The following NSUN7 variants were observed in gnomAD, a reference collection of about 807,000 sequenced individuals.
NSUN7 encodes NOP2/Sun RNA methyltransferase family member 7.
NSUN7 carries 39 observed loss-of-function variants against 58.5 expected under a neutral mutation model. That is an observed-to-expected ratio of 0.67 (90% CI 0.52 to 0.87). The LOEUF (loss-of-function observed/expected upper bound fraction) is 0.87, where lower values mean the gene tolerates loss of function less well. Ranked by LOEUF, NSUN7 falls within the 40% of genes least tolerant of loss-of-function variation. NSUN7 has a pLI of 0.00. For synonymous variants in NSUN7, 278 were observed against 303.7 expected (o/e 0.92, Z 0.88); for missense variants, 765 against 844.1 (o/e 0.91, Z 1.16).
rs761875736 is a variant in NSUN7, at chr4:40,774,805, A to T, written c.680A>T (p.Tyr227Phe). ...TATAATAATTTGAAGAGAAGAGGCT[A>T]TAATAAAGTCAAATCTGTATTGCAT... ...EVYNNLKRRG[Y>F]NKVKSVLHID... The change falls in exon 6 of 12, where the codon TAT becomes TTT. Residue 227 changes from tyrosine to phenylalanine, a missense_variant. By Grantham distance (22) the Tyr-to-Phe change is conservative (BLOSUM62 3). Transcript: ENST00000381782. 2.5e-5 allele frequency: 39 copies of T among 1,556,382 alleles called. No individual in the cohort carries two copies. The East Asian group carries it at 8.6e-4, about 34-fold the overall frequency.
intron 2 of NSUN7, among the ~76,000 whole-genome samples, chr4:40,757,579 A>ATATATATACACATTGTGTG (rs1233037041): frequency 6.8e-6 from 1 of 146,328 alleles, no homozygotes; most frequent in East Asian, 2.0e-4. Flanking sequence ...TAAATTGCAT[A>ATATATATACACATTGTGTG]TATATATACA....
At chr4:40,768,708 AT>A (rs947775687) in intron 4 of NSUN7, among the ~76,000 whole-genome samples, 1 of 151,858 alleles carries the variant, frequency 6.6e-6, no homozygotes, top group African/African-American at 2.4e-5. Context: ...ACCTATTATC[AT>A]TTTTTTTACA....
At chr4:40,765,432 T>C (rs879431217) in intron 4 of NSUN7, among the ~76,000 whole-genome samples, 1 of 149,428 alleles carries the variant, frequency 6.7e-6, no homozygotes, top group Non-Finnish European at 1.5e-5. Flanking sequence ...TCTGTTCCAT[T>C]GATCTATATC....
chr4:40,765,557 G>T (rs1174168926), intron 4 of NSUN7, among the ~76,000 whole-genome samples: 1 of 147,028 alleles, frequency 6.8e-6, no homozygotes, highest in Admixed American at 6.8e-5. Context: ...TTGACTTGGC[G>T]ATGTGGGCTC....
intron 10 of NSUN7, among the ~76,000 whole-genome samples, chr4:40,804,916 C>A (rs1743752278): frequency 6.6e-6 from 1 of 152,162 alleles, no homozygotes; most frequent in Non-Finnish European, 1.5e-5. Context: ...AAAACCACCA[C>A]CAAACCTCTC....
intron 9 of NSUN7, among the ~76,000 whole-genome samples, chr4:40,798,339 T>C (rs767956874): frequency 1.4e-4 from 21 of 152,222 alleles, no homozygotes; most frequent in Non-Finnish European, 2.6e-4. Context: ...TATTACCTCA[T>C]TTTACGGATG....
At position 40,807,735 on chromosome 4, in the gene NSUN7, C is replaced by CT. The variant is rs367792388; in HGVS notation, c.1524+553dup. Among the ~76,000 whole-genome samples the CT allele has an allele frequency of 3.1e-3, 475 of 152,172 alleles. 2 individuals carry two copies. The highest frequency in any genetic ancestry group is 0.011 in the African/African-American group (459 of 41,530). ...AAGCATTTTGTAACATCTAGTGCATCTTCCCTCATATGTAAGAAATAAGCA... is the reference window on the plus strand; with the variant it reads ...AAGCATTTTGTAACATCTAGTGCATCTTTCCCTCATATGTAAGAAATAAGCA... On this transcript the variant is annotated intron_variant, in intron 11 of 11. Transcript: ENST00000381782.
chr4:40,805,176 T>G (rs1442901301), intron 10 of NSUN7, among the ~76,000 whole-genome samples: 2 of 152,190 alleles, frequency 1.3e-5, no homozygotes, highest in Non-Finnish European at 2.9e-5. Flanking sequence ...ACCTCAAACT[T>G]AGTGGCTAAA....
rs33941131 is a variant in NSUN7, at chr4:40,757,725, T to TAC, written c.299-2685_299-2684dup. Among the ~76,000 whole-genome samples the TAC allele has an allele frequency of 8.8e-4, 125 of 142,560 alleles. 2 individuals are homozygous for TAC. The highest frequency in any genetic ancestry group is 6.7e-3 in the East Asian group (32 of 4,770). The allele number at this position is 142,560 out of a possible 152,430, so 93.5% of individuals were successfully genotyped here. Reference sequence around the variant, plus strand: ...TATACATTGTGTGTGTGTGTATATATACACACACACACACACACACACACA... The same window carrying TAC: ...TATACATTGTGTGTGTGTGTATATATACACACACACACACACACACACACACA... On this transcript the variant is annotated intron_variant, in intron 2 of 11. Coordinates refer to ENST00000381782, the MANE Select transcript of NSUN7 (RefSeq NM_024677.6).
chr4:40,780,809 ATATATTTTTTTT>A lies in NSUN7; in HGVS notation c.1036+4552_1036+4563del, dbSNP rs1241915430. On this transcript the variant is annotated intron_variant, in intron 7 of 11. Coordinates refer to ENST00000381782, the MANE Select transcript of NSUN7 (RefSeq NM_024677.6). ...CACATACACATATATATATATATATATATATTTTTTTTTTTTTTTTTTTTTTTTGAGACGGTG... is the reference window on the plus strand; with the variant it reads ...CACATACACATATATATATATATATATTTTTTTTTTTTTTTTGAGACGGTG... Among the ~76,000 whole-genome samples the A allele has an allele frequency of 8.0e-4, 80 of 99,422 alleles. 1 individual carries two copies. The highest frequency in any genetic ancestry group is 3.0e-3 in the African/African-American group (77 of 25,356). 65.2% of individuals were successfully genotyped at this position (99,422 alleles called of 152,430 possible).
At chr4:40,796,917 C>T (rs186623418) in intron 9 of NSUN7, among the ~76,000 whole-genome samples, 1 of 152,202 alleles carries the variant, frequency 6.6e-6, no homozygotes, top group Admixed American at 6.5e-5. Context: ...AACAGTGTTT[C>T]CTCAGTCTTT....
chr4:40,792,155 A>C (rs1205104604), intron 8 of NSUN7, among the ~76,000 whole-genome samples: 1 of 152,180 alleles, frequency 6.6e-6, no homozygotes, highest in Non-Finnish European at 1.5e-5. Context: ...ATAATCAAAG[A>C]ACAATTAGTA....
chr4:40,793,877 AC>A (rs1435872703), intron 8 of NSUN7, among the ~76,000 whole-genome samples: 15 of 152,306 alleles, frequency 9.8e-5, no homozygotes, highest in Admixed American at 2.0e-4. Flanking sequence ...AAAATGTAAG[AC>A]ATTATTTCTT....
At chr4:40,780,977 C>T (rs927701274) in intron 7 of NSUN7, among the ~76,000 whole-genome samples, 8 of 151,176 alleles carry the variant, frequency 5.3e-5, no homozygotes, top group Admixed American at 1.3e-4. Context: ...CCACCACACC[C>T]GGCTAATTTT....
In NSUN7 at chr4:40,799,073, C is replaced by CTTTTTTTTTTTTT. The variant is rs761448412; in HGVS notation, c.1400+186_1400+198dup. 2.4e-3 allele frequency among the ~76,000 whole-genome samples: 179 copies of CTTTTTTTTTTTTT among 76,098 alleles called. 44 individuals are homozygous for CTTTTTTTTTTTTT. Among genetic ancestry groups the CTTTTTTTTTTTTT allele is most frequent in the African/African-American group, 7.7e-3 (155 of 20,080 alleles). The allele number at this position is 76,098 out of a possible 152,430, so 49.9% of individuals were successfully genotyped here. On this transcript the variant is annotated intron_variant, in intron 10 of 11. Transcript: ENST00000381782. ...AACCAAGATTCCATAGGGCCTTTTT[C>CTTTTTTTTTTTTT]TTTTTTTTTTTTTTTTTTTTTTTTT...
intron 4 of NSUN7, 74 bp downstream of exon 4, chr4:40,761,375 TATA>T: frequency 8.5e-7 from 1 of 1,180,148 alleles, no homozygotes; most frequent in East Asian, 2.5e-5. Context: ...TTACATACAG[TATA>T]ATGTGTAGAT....
At chr4:40,765,671 T>C (rs375247684) in intron 4 of NSUN7, among the ~76,000 whole-genome samples, 2 of 152,044 alleles carry the variant, frequency 1.3e-5, no homozygotes, top group African/African-American at 4.8e-5. Context: ...TTACCTTGGG[T>C]AGTATGGCCA....
chr4:40,804,301 G>A (rs1026014897), intron 10 of NSUN7, among the ~76,000 whole-genome samples: 8 of 151,868 alleles, frequency 5.3e-5, no homozygotes, highest in African/African-American at 7.3e-5. Flanking sequence ...TTAGCCAGGC[G>A]TGGTGTCAGG....
At chr4:40,801,275 G>A (rs1006136470) in intron 10 of NSUN7, among the ~76,000 whole-genome samples, 2 of 152,188 alleles carry the variant, frequency 1.3e-5, no homozygotes, top group Admixed American at 1.3e-4. Flanking sequence ...AGGGTATTGT[G>A]AATGGTGAAG....
Sources: allele counts gnomAD v4.1 joint callset (sites outside exome capture counted in the v4.1 genomes callset), GRCh38; gene constraint gnomAD v4.1.1; transcripts MANE v1.5; gene names NCBI Gene and HGNC (gene_info 2026-07-23, HGNC 2026-07-21).